The following MDGA2 variants were observed in gnomAD, a reference collection of about 807,000 sequenced individuals.
MDGA2 encodes the protein MAM domain containing glycosylphosphatidylinositol anchor 2.
A neutral mutation model predicts 117.8 loss-of-function variants in MDGA2; 40 were observed. That is an observed-to-expected ratio of 0.34 (90% CI 0.26 to 0.44). The LOEUF (loss-of-function observed/expected upper bound fraction) is 0.44. Among genes scored for constraint, MDGA2 ranks in the 20% least tolerant of loss-of-function variants. The pLI, the probability that MDGA2 is intolerant of heterozygous loss-of-function variation, is 1.00. For synonymous variants in MDGA2, 452 were observed against 439.0 expected, an observed-to-expected ratio of 1.03 and a Z score of -0.37; for missense variants, 1,123 against 1,250.6, an observed-to-expected ratio of 0.90 and a Z score of 1.54.
At chr14:47,093,144 C>T (rs1296947907) in intron 6 of MDGA2, among the ~76,000 whole-genome samples, 1 of 151,940 alleles carries the variant, frequency 6.6e-6, no homozygotes, top group African/African-American at 2.4e-5. Flanking sequence ...CTCCATCTCC[C>T]TTTCTTACTT....
intron 1 of MDGA2, among the ~76,000 whole-genome samples, chr14:47,542,144 T>C (rs1240797990): frequency 6.6e-6 from 1 of 152,174 alleles, no homozygotes; most frequent in Non-Finnish European, 1.5e-5. Flanking sequence ...AAGAAACAAT[T>C]ATTATTTTGT....
At chr14:46,959,456 A>T (rs1885705009) in intron 8 of MDGA2, among the ~76,000 whole-genome samples, 1 of 151,844 alleles carries the variant, frequency 6.6e-6, no homozygotes, top group South Asian at 2.1e-4. Context: ...AGTATCTTTA[A>T]ATTTTACAAG....
intron 1 of MDGA2, among the ~76,000 whole-genome samples, chr14:47,604,190 C>T (rs1428704990): frequency 2.0e-5 from 3 of 152,120 alleles, no homozygotes; most frequent in African/African-American, 7.2e-5. Context: ...CAGAATAAAA[C>T]TTGGAAGGAA....
At chr14:47,658,989 A>G (rs886229119) in intron 1 of MDGA2, among the ~76,000 whole-genome samples, 7 of 152,160 alleles carry the variant, frequency 4.6e-5, no homozygotes, top group Non-Finnish European at 7.3e-5. Context: ...TCTTCCCAAC[A>G]TCACTCTCTA....
At chr14:46,881,796 A>T (rs1354931895) in intron 11 of MDGA2, among the ~76,000 whole-genome samples, 3 of 152,128 alleles carry the variant, frequency 2.0e-5, no homozygotes, top group Non-Finnish European at 4.4e-5. Flanking sequence ...AAATAAAGAA[A>T]CATTGCTTAT....
In MDGA2 at chr14:47,509,039, C is replaced by T. The variant is rs1256965431; in HGVS notation, c.280+165478G>A. 2.0e-5 allele frequency among the ~76,000 whole-genome samples: 3 copies of T among 152,184 alleles called. No homozygotes were observed. In the South Asian group the frequency reaches 6.2e-4, roughly 32 times the overall value. ...TATAGGCAAAGAGTTAAGATGGTTG[C>T]AGATACAGACAGGTTTCTATGAAGA... On this transcript the variant is annotated intron_variant, in intron 1 of 16. Coordinates refer to ENST00000399232, the MANE Select transcript of MDGA2 (RefSeq NM_001113498.3).
At chr14:47,624,329 C>T (rs1235692694) in intron 1 of MDGA2, among the ~76,000 whole-genome samples, 1 of 152,016 alleles carries the variant, frequency 6.6e-6, no homozygotes, top group Non-Finnish European at 1.5e-5. Context: ...ATGGTGGCGG[C>T]CATCTGTAAT....
intron 4 of MDGA2, among the ~76,000 whole-genome samples, chr14:47,140,662 C>T (rs904091316): frequency 1.4e-4 from 21 of 151,982 alleles, no homozygotes; most frequent in Admixed American, 4.6e-4. Context: ...TCTATCTCTC[C>T]GCATATAAAA....
intron 2 of MDGA2, among the ~76,000 whole-genome samples, chr14:47,247,835 C>T (rs1887299818): frequency 6.6e-6 from 1 of 151,168 alleles, no homozygotes; most frequent in African/African-American, 2.4e-5. Context: ...TGATGTTCCC[C>T]TCCCTGTGTC....
chr14:47,623,089 G>A (rs1241703978), intron 1 of MDGA2, among the ~76,000 whole-genome samples: 1 of 152,144 alleles, frequency 6.6e-6, no homozygotes, highest in Admixed American at 6.5e-5. Flanking sequence ...TTCATGAATG[G>A]ATTAATGCCA....
chr14:47,046,827 T>C (rs1889283172), intron 7 of MDGA2, among the ~76,000 whole-genome samples: 1 of 152,054 alleles, frequency 6.6e-6, no homozygotes, highest in African/African-American at 2.4e-5. Flanking sequence ...CATAATATAT[T>C]TGCATCCTTG....
intron 8 of MDGA2, among the ~76,000 whole-genome samples, chr14:46,964,646 C>T (rs566660335): frequency 1.3e-5 from 2 of 152,096 alleles, no homozygotes; most frequent in South Asian, 4.1e-4. Flanking sequence ...TAATAGCTCA[C>T]AGGTAGAGAA....
In MDGA2 at chr14:47,103,960, C is replaced by T. The variant is rs572180596; in HGVS notation, c.926-6837G>A. Among the ~76,000 whole-genome samples the T allele has an allele frequency of 1.6e-4, 24 of 152,278 alleles. No homozygotes were observed. The South Asian group carries it at 4.4e-3, about 28-fold the overall frequency. ...GAACAAAAGAGTCAAAGAATCCCTG[C>T]TGTCAGAAGTTTACAACTTAACAAG... On this transcript the variant is annotated intron_variant, in intron 5 of 16. Coordinates refer to ENST00000399232, the MANE Select transcript of MDGA2 (RefSeq NM_001113498.3).
intron 5 of MDGA2, among the ~76,000 whole-genome samples, chr14:47,126,771 C>A (rs1055540211): frequency 6.6e-6 from 1 of 152,106 alleles, no homozygotes; most frequent in Non-Finnish European, 1.5e-5. Flanking sequence ...AGGCCATCTG[C>A]CAGGAAGTCT....
At chr14:47,558,806 G>C (rs146799350) in intron 1 of MDGA2, among the ~76,000 whole-genome samples, 122 of 152,254 alleles carry the variant, frequency 8.0e-4, no homozygotes, top group African/African-American at 2.7e-3. Context: ...TATTTATGAT[G>C]AGAAATGATT....
chr14:46,882,860 G>T (rs1882518833), intron 10 of MDGA2, among the ~76,000 whole-genome samples: 1 of 151,876 alleles, frequency 6.6e-6, no homozygotes, highest in South Asian at 2.1e-4. Context: ...AAGTTAAGAT[G>T]AAGGGTAGGA....
At chr14:47,342,001 G>A (rs1041037968) in intron 1 of MDGA2, among the ~76,000 whole-genome samples, 10 of 152,026 alleles carry the variant, frequency 6.6e-5, no homozygotes, top group Non-Finnish European at 5.9e-5. Flanking sequence ...CACCAGGCCC[G>A]GATAATTTTT....
At chr14:47,125,812 T>G (rs532981809) in intron 5 of MDGA2, among the ~76,000 whole-genome samples, 1 of 152,000 alleles carries the variant, frequency 6.6e-6, no homozygotes, top group Non-Finnish European at 1.5e-5. Context: ...ACCTATCCCT[T>G]TTTTATACAC....
chr14:47,117,504 T>G (rs1183803867), intron 5 of MDGA2, among the ~76,000 whole-genome samples: 1 of 152,146 alleles, frequency 6.6e-6, no homozygotes, highest in African/African-American at 2.4e-5. Context: ...GTAACCTAAA[T>G]GTGCATCAAC....
Sources: gnomAD v4.1 joint callset for allele counts (sites outside exome capture counted in the v4.1 genomes callset) on GRCh38, gnomAD v4.1.1 for gene constraint, MANE v1.5 for transcripts, NCBI Gene and HGNC (gene_info 2026-07-23, HGNC 2026-07-21) for gene names.